The following BNIP1 variants were observed in gnomAD, a reference collection of about 807,000 sequenced individuals.
The protein encoded by BNIP1 is vesicle transport protein SEC20.
In BNIP1, 25 loss-of-function variants were observed where a neutral mutation model predicts 28.5. That is an observed-to-expected ratio of 0.88 (90% confidence interval 0.64 to 1.23). The LOEUF is 1.23. Among genes scored for constraint, BNIP1 ranks in the 50% most tolerant of loss-of-function variants. BNIP1 has a pLI of 0.00. For synonymous variants in BNIP1, 118 were observed against 101.7 expected (o/e 1.16, Z -0.96); for missense variants, 276 against 277.0 (o/e 1.00, Z 0.02).
At chr5:173,149,621 A>G (rs5745122) in intron 2 of BNIP1, among the ~76,000 whole-genome samples, 3,237 of 152,200 alleles carry the variant, frequency 0.021, 61 homozygotes, top group South Asian at 0.073. Context: ...GTAAAGAAAT[A>G]CCTGAGGCTG....
chr5:173,148,364 TGA>T, intron 2 of BNIP1, among the ~76,000 whole-genome samples: 1 of 151,742 alleles, frequency 6.6e-6, no homozygotes, highest in Admixed American at 6.6e-5. Flanking sequence ...TGGGGGCTGC[TGA>T]GAGGAAACAC....
At chr5:173,150,147 G>A (rs1168405072) in intron 2 of BNIP1, among the ~76,000 whole-genome samples, 1 of 151,644 alleles carries the variant, frequency 6.6e-6, no homozygotes, top group Non-Finnish European at 1.5e-5. Context: ...AATCCCAGCT[G>A]TTTGGGTGGC....
intron 3 of BNIP1, among the ~76,000 whole-genome samples, chr5:173,156,491 A>T (rs2113852954): frequency 6.6e-6 from 1 of 151,992 alleles, no homozygotes; most frequent in Admixed American, 6.5e-5. Flanking sequence ...AAAAAAAAAA[A>T]ATTAGCTGGG....
chr5:173,151,610 T>C, intron 2 of BNIP1: 2 of 1,614,094 alleles, frequency 1.2e-6, no homozygotes, highest in Non-Finnish European at 1.7e-6. Flanking sequence ...CTTCCACATT[T>C]TTTTTTAAGC....
intron 2 of BNIP1, chr5:173,151,690 TCAGTGTGA>T (rs1760026754): frequency 6.2e-7 from 1 of 1,613,762 alleles, no homozygotes; most frequent in Admixed American, 1.7e-5. Context: ...CCTGTTACCT[TCAGTGTGA>T]GTATTTGTAT....
Position 173,152,957 on chromosome 5 carries a change from A to G in BNIP1, c.178-1365A>G, listed in dbSNP as rs563586305. ...TAGAACCTGTTTTAATTTGTAAACC[A>G]AAAAATGTGATTGGTATAATGCTAT... is the stretch of plus-strand genomic sequence containing the variant. On this transcript the variant is annotated intron_variant, in intron 2 of 5. Coordinates refer to ENST00000351486, the MANE Select transcript of BNIP1 (RefSeq NM_001205.3). 2.6e-5 allele frequency among the ~76,000 whole-genome samples: 4 copies of G among 152,294 alleles called. No homozygotes were observed. The South Asian group carries it at 6.2e-4, about 24-fold the overall frequency.
intron 3 of BNIP1, 111 bp downstream of exon 3, chr5:173,154,524 CT>C (rs10712809): frequency 0.45 from 267,956 of 591,366 alleles, 22,821 homozygotes; most frequent in Non-Finnish European, 0.48. Context: ...TTAATGGTGT[CT>C]TTTTTTTTTT....
intron 1 of BNIP1, chr5:173,144,878 A>C: frequency 2.2e-6 from 1 of 459,568 alleles, no homozygotes; most frequent in Non-Finnish European, 3.9e-6. Context: ...CCCCTGACTC[A>C]GCTACTGCTT....
intron 2 of BNIP1, among the ~76,000 whole-genome samples, chr5:173,147,415 A>C (rs965256801): frequency 6.6e-6 from 1 of 152,006 alleles, no homozygotes; most frequent in African/African-American, 2.4e-5. Context: ...AAAAAAAAAA[A>C]CAAGAAACTT....
rs921920126 is a variant in BNIP1 at position 173,160,151 on chromosome 5, G to A, written c.490+100G>A. ...TGGGCTCCTCCACCACAGCCCACAC[G>A]ATGTTCACTGACTTGGGTGGCTTCT... On this transcript the variant is annotated intron_variant, in intron 5 of 5. Coordinates refer to ENST00000351486, the MANE Select transcript of BNIP1 (RefSeq NM_001205.3). The A allele has an allele frequency of 6.6e-5, 70 of 1,062,424 alleles. No homozygotes were observed. The African/African-American group carries it at 9.0e-4, about 14-fold the overall frequency. The allele number at this position is 1,062,424 out of a possible 1,614,324, so 65.8% of individuals were successfully genotyped here. A position where few individuals can be genotyped will look rare whatever the true frequency, so the allele number is the denominator to read the frequency against.
In BNIP1 at chr5:173,160,383, C is replaced by T. The variant is rs1364557945; in HGVS notation, c.490+332C>T. On this transcript the variant is annotated intron_variant, in intron 5 of 5. Transcript: ENST00000351486. ...CCAAGTAGCTGGGATTACCGGCCTG[C>T]ACCACCACACCCGGCTAATTTTGTA... Among the ~76,000 whole-genome samples the T allele has an allele frequency of 3.3e-5, 5 of 152,106 alleles. No homozygotes were observed. In the South Asian group the frequency reaches 8.3e-4, roughly 25 times the overall value.
Position 173,164,046 on chromosome 5 carries a change from A to C in BNIP1, c.*125A>C, listed in dbSNP as rs768547189. 13 of 1,005,388 alleles carry C rather than the reference A, an allele frequency of 1.3e-5. No homozygotes were observed. Among genetic ancestry groups the C allele is most frequent in the Non-Finnish European group, 1.7e-5 (12 of 704,398 alleles). 62.3% of individuals were successfully genotyped at this position (1,005,388 alleles called of 1,614,324 possible). A position where few individuals can be genotyped will look rare whatever the true frequency, so the allele number is the denominator to read the frequency against. On this transcript the variant is annotated 3_prime_UTR_variant, in exon 6 of 6. Coordinates refer to ENST00000351486, the MANE Select transcript of BNIP1 (RefSeq NM_001205.3). This position sits in a 1 kb window ranked among gnomAD's most constrained non-coding sequence, Gnocchi z 4.0. ...TTTGCACCAGTTGCCTGCAGGTTGGATGGAACACAGTGCCCCACTTTTCTG... is the reference window on the plus strand; with the variant it reads ...TTTGCACCAGTTGCCTGCAGGTTGGCTGGAACACAGTGCCCCACTTTTCTG...
intron 5 of BNIP1, among the ~76,000 whole-genome samples, chr5:173,162,241 T>C (rs924733638): frequency 6.6e-6 from 1 of 152,234 alleles, no homozygotes; most frequent in Non-Finnish European, 1.5e-5. Context: ...ACCCATTATG[T>C]AAAATATTAT....
Position 173,156,124 on chromosome 5 carries a change from G to C in BNIP1, c.269+1711G>C, listed in dbSNP as rs577997311. On this transcript the variant is annotated intron_variant, in intron 3 of 5. Transcript: ENST00000351486. ...GTAAGCAGGGAGGGCTGTATGAGTG[G>C]TGGGCAGTGATCCAGGGCTTGGCTA... Among the ~76,000 whole-genome samples, 6 of 152,306 alleles carry C rather than the reference G, an allele frequency of 3.9e-5. No individual in the cohort carries two copies. The South Asian group carries it at 1.2e-3, about 32-fold the overall frequency.
chr5:173,146,322 C>G (rs5745112), intron 1 of BNIP1, among the ~76,000 whole-genome samples: 1 of 152,198 alleles, frequency 6.6e-6, no homozygotes, highest in Non-Finnish European at 1.5e-5. Context: ...CAGAGCCTGC[C>G]GTGAAAGCTG....
At chr5:173,160,658 G>A (rs1263326354) in intron 5 of BNIP1, among the ~76,000 whole-genome samples, 1 of 152,170 alleles carries the variant, frequency 6.6e-6, no homozygotes, top group African/African-American at 2.4e-5. Context: ...CGGCAGGGCT[G>A]GGTGAGGGGC....
At chr5:173,155,783 T>C (rs888641554) in intron 3 of BNIP1, among the ~76,000 whole-genome samples, 1 of 152,130 alleles carries the variant, frequency 6.6e-6, no homozygotes, top group Admixed American at 6.6e-5. Context: ...AGTACAGTCA[T>C]AGCTTACTGC....
intron 5 of BNIP1, among the ~76,000 whole-genome samples, chr5:173,163,121 T>C (rs553991582): frequency 3.3e-5 from 5 of 152,320 alleles, no homozygotes; most frequent in African/African-American, 1.2e-4. Flanking sequence ...GAAATACATC[T>C]GACTCTGGGG....
Position 173,150,252 on chromosome 5 carries a change from T to C in BNIP1, c.177+3294T>C, listed in dbSNP as rs5745125. On this transcript the variant is annotated intron_variant, in intron 2 of 5. Transcript: ENST00000351486. The stretch of plus-strand genomic sequence containing the variant: ...CAGCCTGGGTGACGGAGCAAGACCC[T>C]GTCTCAAAAAAAAAAAAAAAAAAGA... Among the ~76,000 whole-genome samples the C allele has an allele frequency of 9.6e-3, 1,415 of 147,630 alleles. 12 individuals carry two copies. The highest frequency in any genetic ancestry group is 0.016 in the Non-Finnish European group (1,054 of 67,120).
Sources: allele counts gnomAD v4.1 joint callset (sites outside exome capture counted in the v4.1 genomes callset), GRCh38; gene constraint gnomAD v4.1.1; non-coding constraint Gnocchi (gnomAD v3.1); transcripts MANE v1.5; gene names NCBI Gene and HGNC (gene_info 2026-07-23, HGNC 2026-07-21).